The following KCNIP4 variants were observed in gnomAD, a reference collection of about 807,000 sequenced individuals.
The protein encoded by KCNIP4 is potassium voltage-gated channel interacting protein 4.
In KCNIP4, 12 loss-of-function variants were observed where a neutral mutation model predicts 34.0. The ratio of observed to expected loss-of-function variants is 0.35; its 90% CI spans 0.23 to 0.57. The LOEUF (loss-of-function observed/expected upper bound fraction) is 0.57, where lower values mean the gene tolerates loss of function less well. Among genes scored for constraint, KCNIP4 ranks in the 20% least tolerant of loss-of-function variants. The pLI is 0.83. For missense variants in KCNIP4, 238 were observed against 311.7 expected (o/e 0.76, Z 1.78); for synonymous variants, 124 against 102.2 (o/e 1.21, Z -1.29).
At chr4:20,868,991 TTACTG>T (rs751911534) in intron 2 of KCNIP4, among the ~76,000 whole-genome samples, 8 of 152,060 alleles carry the variant, frequency 5.3e-5, no homozygotes, top group Non-Finnish European at 1.2e-4. Flanking sequence ...AAGAAGAACA[TTACTG>T]TAAAGAGATA....
Position 20,886,396 on chromosome 4 carries a change from A to T in KCNIP4, c.62-3687T>A, listed in dbSNP as rs117881750. ...CTGAAGTGGCTGGAATTTGTAGGCC[A>T]GGGTTAAGAGAGAATTGATGTATGC... On this transcript the variant is annotated intron_variant, in intron 1 of 8. Transcript: ENST00000382152. Among the ~76,000 whole-genome samples, 432 of 152,280 alleles carry T rather than the reference A, an allele frequency of 2.8e-3. 13 individuals carry two copies. The East Asian group carries it at 0.077, about 27-fold the overall frequency.
chr4:20,890,752 T>C (rs1725834948), intron 1 of KCNIP4, among the ~76,000 whole-genome samples: 1 of 152,202 alleles, frequency 6.6e-6, no homozygotes, highest in Admixed American at 6.5e-5. Flanking sequence ...TGTGTAAATA[T>C]ATAGGCCATT....
intron 1 of KCNIP4, among the ~76,000 whole-genome samples, chr4:21,907,381 A>G (rs1728063878): frequency 6.6e-6 from 1 of 152,178 alleles, no homozygotes; most frequent in Non-Finnish European, 1.5e-5. Flanking sequence ...AGCCTTCACC[A>G]GAAGCTGCCA....
At chr4:20,905,509 C>CTTTCTTTTTTTTTTTTTTTTTTTTT (rs71655610) in intron 1 of KCNIP4, among the ~76,000 whole-genome samples, 1 of 72,804 alleles carries the variant, frequency 1.4e-5, no homozygotes, top group Non-Finnish European at 2.7e-5. Context: ...CGTTTTCTTT[C>CTTTCTTTTTTTTTTTTTTTTTTTTT]TTTTTTTTTT....
chr4:21,347,538 G>A (rs1362849851), intron 1 of KCNIP4, among the ~76,000 whole-genome samples: 2 of 152,230 alleles, frequency 1.3e-5, no homozygotes, highest in Admixed American at 1.3e-4. Context: ...CAGAGCTAGG[G>A]AGGAACAGGA....
intron 1 of KCNIP4, among the ~76,000 whole-genome samples, chr4:21,361,515 G>A (rs1279043872): frequency 1.3e-5 from 2 of 151,970 alleles, no homozygotes; most frequent in East Asian, 3.9e-4. Context: ...ATTAGTGTCT[G>A]GCTTCTAAAA....
intron 3 of KCNIP4, among the ~76,000 whole-genome samples, chr4:20,841,492 CA>C (rs1719714543): frequency 6.6e-6 from 1 of 152,136 alleles, no homozygotes; most frequent in Admixed American, 6.6e-5. Flanking sequence ...CTTTCAACCC[CA>C]AAACTCTCAA....
intron 1 of KCNIP4, among the ~76,000 whole-genome samples, chr4:21,234,200 C>A (rs865969858): frequency 1.3e-5 from 1 of 78,530 alleles, no homozygotes; most frequent in Non-Finnish European, 2.0e-5. Flanking sequence ...TTATATATAA[C>A]ATATATAACG....
chr4:20,871,597 C>G (rs572920095), intron 2 of KCNIP4, among the ~76,000 whole-genome samples: 2 of 152,208 alleles, frequency 1.3e-5, no homozygotes, highest in South Asian at 2.1e-4. Flanking sequence ...TGGCATGTCA[C>G]AGAGCTTCCT....
At chr4:20,833,403 T>A (rs1010203785) in intron 3 of KCNIP4, among the ~76,000 whole-genome samples, 1 of 152,072 alleles carries the variant, frequency 6.6e-6, no homozygotes, top group African/African-American at 2.4e-5. Context: ...GAGAATCACT[T>A]AAACCCGGGA....
At chr4:21,707,222 C>T (rs924457692) in intron 1 of KCNIP4, among the ~76,000 whole-genome samples, 6 of 152,112 alleles carry the variant, frequency 3.9e-5, no homozygotes, top group African/African-American at 1.4e-4. Flanking sequence ...ACAATGAAGA[C>T]TAAATCATTG....
chr4:21,657,908 C>T (rs180927856), intron 1 of KCNIP4, among the ~76,000 whole-genome samples: 70 of 151,524 alleles, frequency 4.6e-4, no homozygotes, highest in Admixed American at 1.9e-3. Flanking sequence ...GGAACGATCT[C>T]GGCTCAGTGC....
chr4:21,705,015 A>C (rs767067329), intron 1 of KCNIP4, among the ~76,000 whole-genome samples: 1 of 152,206 alleles, frequency 6.6e-6, no homozygotes, highest in Non-Finnish European at 1.5e-5. Flanking sequence ...TGTCCAAACC[A>C]TGTGATACTA....
At chr4:21,761,402 A>T (rs1370107111) in intron 1 of KCNIP4, among the ~76,000 whole-genome samples, 5 of 152,266 alleles carry the variant, frequency 3.3e-5, no homozygotes, top group African/African-American at 1.2e-4. Flanking sequence ...TGGAGAAAAA[A>T]TAATGAATTA....
intron 1 of KCNIP4, among the ~76,000 whole-genome samples, chr4:20,930,970 A>C (rs1577385426): frequency 6.6e-6 from 1 of 152,168 alleles, no homozygotes; most frequent in East Asian, 1.9e-4. Context: ...AAAGAAATTA[A>C]AAAATAGACC....
chr4:20,757,038 G>C (rs1754533652), intron 4 of KCNIP4, among the ~76,000 whole-genome samples: 1 of 152,056 alleles, frequency 6.6e-6, no homozygotes, highest in Non-Finnish European at 1.5e-5. Flanking sequence ...TTCTTGTTGA[G>C]TCTAAATCCC....
At chr4:21,206,529 A>C (rs1469666951) in intron 1 of KCNIP4, among the ~76,000 whole-genome samples, 1 of 152,192 alleles carries the variant, frequency 6.6e-6, no homozygotes, top group East Asian at 1.9e-4. Context: ...ACTCTATTGG[A>C]TGGGGGATGG....
chr4:21,520,408 G>A (rs549524998), intron 1 of KCNIP4, among the ~76,000 whole-genome samples: 6 of 152,246 alleles, frequency 3.9e-5, no homozygotes, highest in East Asian at 1.9e-4. Context: ...TTTTGTTATA[G>A]TAGCCAGAAT....
intron 1 of KCNIP4, among the ~76,000 whole-genome samples, chr4:21,266,166 C>T (rs1207340616): frequency 6.6e-6 from 1 of 152,280 alleles, no homozygotes; most frequent in East Asian, 1.9e-4. Flanking sequence ...ACACTGATAA[C>T]ATCTGTGGTA....
Sources: allele counts gnomAD v4.1 joint callset (sites outside exome capture counted in the v4.1 genomes callset), GRCh38; gene constraint gnomAD v4.1.1; transcripts MANE v1.5; gene names NCBI Gene and HGNC (gene_info 2026-07-23, HGNC 2026-07-21).